The following WNT7B variants were observed in gnomAD, a reference collection of about 807,000 sequenced individuals.
WNT7B encodes the protein Wnt family member 7B, also known as protein Wnt-7b.
A neutral mutation model predicts 38.2 loss-of-function variants in WNT7B; 19 were observed. The ratio of observed to expected loss-of-function variants is 0.50; its 90% CI spans 0.35 to 0.73. The LOEUF (loss-of-function observed/expected upper bound fraction) is 0.73. Among genes scored for constraint, WNT7B ranks in the 30% least tolerant of loss-of-function variants. The probability of loss-of-function intolerance (pLI) is 0.01; values close to 1 mark genes in which losing one functional copy is unlikely to be tolerated. For missense variants in WNT7B, 423 were observed against 507.9 expected (o/e 0.83, Z 1.61); for synonymous variants, 243 against 209.3 (o/e 1.16, Z -1.39).
intron 1 of WNT7B, chr22:45,972,116 G>GGGGGGGGGGCC: frequency 3.8e-6 from 2 of 530,734 alleles, no homozygotes; most frequent in East Asian, 3.7e-5. Context: ...CCCGGGGGGA[G>GGGGGGGGGGCC]CCCACCCGCC....
intron 2 of WNT7B, among the ~76,000 whole-genome samples, chr22:45,934,020 C>A (rs1212592170): frequency 2.0e-5 from 3 of 152,378 alleles, no homozygotes; most frequent in African/African-American, 7.2e-5. Context: ...CGTAGCCCAC[C>A]CTCAGGGCTC....
At position 45,965,253 on chromosome 22, in the gene WNT7B, G is replaced by A. The variant is rs574578696; in HGVS notation, c.71+11431C>T. Reference sequence around the variant, plus strand: ...CGAGGTCAGAGGCTGCCTTACTTGAGAGGTCTTCCCTGGGCCACCCTCATC... The same window carrying A: ...CGAGGTCAGAGGCTGCCTTACTTGAAAGGTCTTCCCTGGGCCACCCTCATC... On this transcript the variant is annotated intron_variant, in intron 1 of 3. Transcript: ENST00000339464. The surrounding 1 kb of genome is among the most constrained non-coding windows in gnomAD (Gnocchi z 6.5). Among the ~76,000 whole-genome samples the A allele has an allele frequency of 6.6e-6, 1 of 152,290 alleles. No individual in the cohort carries two copies. The highest frequency in any genetic ancestry group is 1.9e-4 in the East Asian group (1 of 5,170).
At chr22:45,942,168 G>T (rs1931665874) in intron 2 of WNT7B, among the ~76,000 whole-genome samples, 1 of 152,220 alleles carries the variant, frequency 6.6e-6, no homozygotes, top group South Asian at 2.1e-4. Flanking sequence ...ACACCCCCGG[G>T]CCACATCCGC....
Position 45,923,205 on chromosome 22 carries a change from G to C in WNT7B, c.701C>G (p.Ala234Gly). 4.3e-6 allele frequency: 7 copies of C among 1,613,166 alleles called. No homozygotes were observed. Among genetic ancestry groups the C allele is most frequent in the Non-Finnish European group, 5.9e-6 (7 of 1,180,018 alleles). The change falls in exon 4 of 4, where the codon GCG becomes GGG. Residue 234 changes from alanine (A) to glycine (G), a missense_variant. Around this residue, in one of 3 missense-constraint regions of WNT7B, gnomAD observed 158 missense variants for 214.7 expected, o/e 0.74. Coordinates refer to ENST00000339464, the MANE Select transcript of WNT7B (RefSeq NM_058238.3). ...CCGCACCACCTCCACCTGCACGGCC[G>C]CGTTGTACTTCTCCTTCAGCAGGTG... ...VGHLLKEKYN[A>G]AVQVEVVRAS...
At chr22:45,933,490 A>G (rs553750443) in intron 2 of WNT7B, among the ~76,000 whole-genome samples, 1 of 151,658 alleles carries the variant, frequency 6.6e-6, no homozygotes, top group South Asian at 2.1e-4. Flanking sequence ...GGGGTATTAA[A>G]CGCCCCGTTC....
At chr22:45,969,579 G>C (rs1036279379) in intron 1 of WNT7B, among the ~76,000 whole-genome samples, 1 of 152,258 alleles carries the variant, frequency 6.6e-6, no homozygotes, top group African/African-American at 2.4e-5. Flanking sequence ...GGCCAGAGCC[G>C]CCTAGCACGG....
intron 1 of WNT7B, among the ~76,000 whole-genome samples, chr22:45,961,152 G>A (rs1363567477): frequency 6.6e-6 from 1 of 152,222 alleles, no homozygotes; most frequent in Non-Finnish European, 1.5e-5. Flanking sequence ...AGCTGGGCGC[G>A]CCGGTGAGAA....
At chr22:45,948,665 A>T (rs1359281684) in intron 2 of WNT7B, among the ~76,000 whole-genome samples, 1 of 152,040 alleles carries the variant, frequency 6.6e-6, no homozygotes, top group Non-Finnish European at 1.5e-5. Flanking sequence ...TGCACACAAC[A>T]GCAGTTTACT....
intron 1 of WNT7B, among the ~76,000 whole-genome samples, chr22:45,956,690 G>A (rs911382814): frequency 6.6e-6 from 1 of 152,210 alleles, no homozygotes; most frequent in Non-Finnish European, 1.5e-5. Flanking sequence ...AAAAAGTGTG[G>A]TCCATTCATG....
At chr22:45,961,246 G>C (rs1304787402) in intron 1 of WNT7B, among the ~76,000 whole-genome samples, 1 of 152,168 alleles carries the variant, frequency 6.6e-6, no homozygotes, top group Admixed American at 6.5e-5. Flanking sequence ...TGGGGTGGAG[G>C]GGGGTGGGGC....
chr22:45,928,081 G>A (rs922418955), intron 3 of WNT7B, among the ~76,000 whole-genome samples: 6 of 152,170 alleles, frequency 3.9e-5, no homozygotes, highest in Admixed American at 2.0e-4. Context: ...CCTCGATTTT[G>A]GACTTGGGGC....
chr22:45,932,397 G>A (rs994548703), intron 2 of WNT7B, among the ~76,000 whole-genome samples: 3 of 150,412 alleles, frequency 2.0e-5, no homozygotes, highest in South Asian at 4.2e-4. Context: ...AGGCCTCCCT[G>A]TCCAGGCAGC....
At chr22:45,967,089 G>A (rs925616432) in intron 1 of WNT7B, among the ~76,000 whole-genome samples, 3 of 152,204 alleles carry the variant, frequency 2.0e-5, no homozygotes, top group South Asian at 2.1e-4. Flanking sequence ...GACAAGGAAG[G>A]GGGGAGGGAG....
chr22:45,964,677 T>G (rs1194126163), intron 1 of WNT7B, among the ~76,000 whole-genome samples: 1 of 152,184 alleles, frequency 6.6e-6, no homozygotes, highest in African/African-American at 2.4e-5. Flanking sequence ...CCACAGGCTC[T>G]GCCACCCCTG....
At chr22:45,959,799 C>T (rs1932154888) in intron 1 of WNT7B, among the ~76,000 whole-genome samples, 2 of 152,156 alleles carry the variant, frequency 1.3e-5, no homozygotes, top group Admixed American at 1.3e-4. Context: ...GAAGTAGCCC[C>T]CTACCCCGCC....
chr22:45,927,676 A>G (rs1221669487), intron 3 of WNT7B: 16 of 712,044 alleles, frequency 2.2e-5, no homozygotes, highest in Non-Finnish European at 4.1e-5. Context: ...CGGGCAGATC[A>G]CCTGAGGTTA....
chr22:45,938,105 T>C lies in WNT7B; in HGVS notation c.299-6736A>G, dbSNP rs185022931. On this transcript the variant is annotated intron_variant, in intron 2 of 3. Transcript: ENST00000339464. ...AACGGGTGAAGGGATAAAGAAAAGGTGGTATAGATACACAATGGAGTATTA... is the reference window on the plus strand; with the variant it reads ...AACGGGTGAAGGGATAAAGAAAAGGCGGTATAGATACACAATGGAGTATTA... 4.1e-3 allele frequency among the ~76,000 whole-genome samples: 622 copies of C among 152,106 alleles called. 2 individuals carry two copies. The highest frequency in any genetic ancestry group is 0.014 in the African/African-American group (589 of 41,474).
rs900136234 is a variant in WNT7B at position 45,966,271 on chromosome 22, G to A, written c.71+10413C>T. Among the ~76,000 whole-genome samples the A allele has an allele frequency of 6.6e-6, 1 of 152,222 alleles. No individual in the cohort carries two copies. The highest frequency in any genetic ancestry group is 1.5e-5 in the Non-Finnish European group (1 of 68,042). On this transcript the variant is annotated intron_variant, in intron 1 of 3. Transcript: ENST00000339464. This position sits in a 1 kb window ranked among gnomAD's most constrained non-coding sequence, Gnocchi z 4.2. Reference sequence around the variant, plus strand: ...TCTGGAGGACTTCCCAATTGGAAGGGGCTTTGCCATCTGTCTCACCACGTG... The same window carrying A: ...TCTGGAGGACTTCCCAATTGGAAGGAGCTTTGCCATCTGTCTCACCACGTG...
At chr22:45,941,761 G>T (rs1357169767) in intron 2 of WNT7B, among the ~76,000 whole-genome samples, 1 of 152,230 alleles carries the variant, frequency 6.6e-6, no homozygotes, top group African/African-American at 2.4e-5. Context: ...ACTCCCCATG[G>T]AACTGGGGCT....
Sources: gnomAD v4.1 joint callset for allele counts (sites outside exome capture counted in the v4.1 genomes callset) on GRCh38, gnomAD v4.1.1 for gene constraint, gnomAD v4.1.1 regional missense constraint, Gnocchi (gnomAD v3.1) non-coding constraint, MANE v1.5 for transcripts, NCBI Gene and HGNC (gene_info 2026-07-23, HGNC 2026-07-21) for gene names.